The following FBXW7 variants were observed in gnomAD, a reference collection of about 807,000 sequenced individuals.
FBXW7 encodes F-box and WD repeat domain containing 7.
Under a neutral mutation model 86.3 loss-of-function variants are expected in FBXW7, and 11 were observed. That is an observed-to-expected ratio of 0.13 (90% CI 0.08 to 0.21). FBXW7 has a LOEUF of 0.21. FBXW7 is among the 10% of genes least tolerant of loss of function. FBXW7 has a pLI of 1.00. For missense variants in FBXW7, 488 were observed against 847.4 expected (o/e 0.58, Z 5.27); for synonymous variants, 313 against 297.9 (o/e 1.05, Z -0.52).
intron 2 of FBXW7, among the ~76,000 whole-genome samples, chr4:152,524,016 C>A (rs922543242): frequency 6.6e-6 from 1 of 152,140 alleles, no homozygotes; most frequent in East Asian, 1.9e-4. Flanking sequence ...TTCAGAAAAC[C>A]AGCACCCTCA....
At chr4:152,499,243 A>T (rs1746678753) in intron 2 of FBXW7, among the ~76,000 whole-genome samples, 1 of 152,162 alleles carries the variant, frequency 6.6e-6, no homozygotes, top group Non-Finnish European at 1.5e-5. Flanking sequence ...TGCACATTAG[A>T]AAGCAATTCC....
intron 2 of FBXW7, among the ~76,000 whole-genome samples, chr4:152,494,713 C>T (rs546340797): frequency 5.5e-4 from 84 of 152,182 alleles, no homozygotes; most frequent in African/African-American, 2.0e-3. Context: ...CTGGAATGTA[C>T]AAGGAGATTA....
chr4:152,443,844 T>C (rs1430050546), intron 2 of FBXW7, among the ~76,000 whole-genome samples: 1 of 152,214 alleles, frequency 6.6e-6, no homozygotes, highest in Non-Finnish European at 1.5e-5. Context: ...TTGCAACTGT[T>C]CCCTGTTTTA....
intron 4 of FBXW7, among the ~76,000 whole-genome samples, chr4:152,351,315 T>TGCCC (rs2126655387): frequency 6.6e-6 from 1 of 152,158 alleles, no homozygotes; most frequent in South Asian, 2.1e-4. Flanking sequence ...TTTTCTAAAA[T>TGCCC]ACTAGGATGA....
At chr4:152,402,927 C>T (rs1210650171) in intron 4 of FBXW7, among the ~76,000 whole-genome samples, 2 of 149,952 alleles carry the variant, frequency 1.3e-5, no homozygotes, top group Admixed American at 1.3e-4. Context: ...AGATACTTCA[C>T]ATTGCAGTAT....
At chr4:152,533,612 T>C (rs1468545450) in intron 2 of FBXW7, among the ~76,000 whole-genome samples, 2 of 152,164 alleles carry the variant, frequency 1.3e-5, no homozygotes, top group Non-Finnish European at 2.9e-5. Context: ...GAGAAACTGA[T>C]GGTAGAAATA....
intron 2 of FBXW7, among the ~76,000 whole-genome samples, chr4:152,524,976 C>T (rs1478333076): frequency 6.6e-6 from 1 of 152,138 alleles, no homozygotes; most frequent in East Asian, 1.9e-4. Context: ...TATTTATTTA[C>T]ACAACCTTCC....
intron 4 of FBXW7, chr4:152,352,878 A>G: frequency 6.8e-7 from 1 of 1,461,304 alleles, no homozygotes; most frequent in Non-Finnish European, 9.0e-7. Context: ...CTTCCCTTGA[A>G]CACAGAATGG....
chr4:152,368,636 T>G (rs907525990), intron 4 of FBXW7, among the ~76,000 whole-genome samples: 3 of 152,230 alleles, frequency 2.0e-5, no homozygotes, highest in African/African-American at 7.2e-5. Context: ...ATGTTACATT[T>G]CTTAATTACC....
At chr4:152,481,844 A>C (rs1400536627) in intron 2 of FBXW7, among the ~76,000 whole-genome samples, 1 of 152,240 alleles carries the variant, frequency 6.6e-6, no homozygotes, top group Non-Finnish European at 1.5e-5. Context: ...TCTTATAAAA[A>C]AGAGCAAAGA....
intron 2 of FBXW7, among the ~76,000 whole-genome samples, chr4:152,452,789 A>G (rs1218685935): frequency 1.3e-5 from 2 of 152,254 alleles, no homozygotes; most frequent in Admixed American, 6.5e-5. Flanking sequence ...TAAACTTTAA[A>G]TAGAACCTCA....
intron 4 of FBXW7, among the ~76,000 whole-genome samples, chr4:152,366,301 C>T (rs1733472840): frequency 6.6e-6 from 1 of 152,068 alleles, no homozygotes; most frequent in African/African-American, 2.4e-5. Context: ...AAAAATGCAA[C>T]TTCACAGTTT....
At chr4:152,364,533 G>C (rs961549018) in intron 4 of FBXW7, among the ~76,000 whole-genome samples, 11 of 151,920 alleles carry the variant, frequency 7.2e-5, no homozygotes, top group African/African-American at 2.7e-4. Flanking sequence ...ACTTAATAAG[G>C]GACTATGACT....
At chr4:152,476,142 A>T (rs1373531382) in intron 2 of FBXW7, among the ~76,000 whole-genome samples, 1 of 152,206 alleles carries the variant, frequency 6.6e-6, no homozygotes, top group Non-Finnish European at 1.5e-5. Context: ...GAAATCAACA[A>T]AACAGAATAA....
At chr4:152,451,033 T>C (rs1579235646) in intron 2 of FBXW7, among the ~76,000 whole-genome samples, 1 of 152,232 alleles carries the variant, frequency 6.6e-6, no homozygotes, top group African/African-American at 2.4e-5. Flanking sequence ...ATTTGATGTA[T>C]AGTATTGTTG....
chr4:152,387,939 A>T (rs2126799689), intron 4 of FBXW7, among the ~76,000 whole-genome samples: 1 of 152,048 alleles, frequency 6.6e-6, no homozygotes, highest in Admixed American at 6.6e-5. Flanking sequence ...CGAACTCCTG[A>T]CCTTGTGATC....
chr4:152,460,524 T>C (rs535021458), intron 2 of FBXW7, among the ~76,000 whole-genome samples: 8 of 152,204 alleles, frequency 5.3e-5, no homozygotes, highest in Non-Finnish European at 1.0e-4. Context: ...CTGGTGAAAA[T>C]TTCCCAGTTT....
intron 2 of FBXW7, among the ~76,000 whole-genome samples, chr4:152,468,386 T>C (rs577565086): frequency 1.3e-5 from 2 of 152,220 alleles, no homozygotes; most frequent in South Asian, 2.1e-4. Context: ...AACTGATGAA[T>C]ACACAAATGA....
intron 2 of FBXW7, among the ~76,000 whole-genome samples, chr4:152,533,820 A>G (rs1272926789): frequency 6.6e-6 from 1 of 152,240 alleles, no homozygotes; most frequent in African/African-American, 2.4e-5. Flanking sequence ...TAAGTTTGAG[A>G]AAGTTTTAAA....
Sources: gnomAD v4.1 joint callset for allele counts (sites outside exome capture counted in the v4.1 genomes callset) on GRCh38, gnomAD v4.1.1 for gene constraint, MANE v1.5 for transcripts, NCBI Gene and HGNC (gene_info 2026-07-23, HGNC 2026-07-21) for gene names.